BANK1: variants seen among roughly 807,000 people sequenced by gnomAD.
BANK1 encodes B cell scaffold protein with ankyrin repeats 1.
BANK1 carries 95 observed loss-of-function variants against 94.5 expected under a neutral mutation model. That is an observed-to-expected ratio of 1.00 (90% CI 0.85 to 1.19). The LOEUF is 1.19. Ranked by LOEUF, BANK1 falls within the 50% of genes most tolerant of loss-of-function variation. BANK1 has a pLI of 0.00. For synonymous variants in BANK1, 334 were observed against 308.4 expected, an observed-to-expected ratio of 1.08 and a Z score of -0.87; for missense variants, 987 against 932.2, an observed-to-expected ratio of 1.06 and a Z score of -0.77.
chr4:101,836,578 T>C (rs1299861519), intron 2 of BANK1, among the ~76,000 whole-genome samples: 5 of 152,282 alleles, frequency 3.3e-5, no homozygotes, highest in African/African-American at 9.6e-5. Flanking sequence ...AAAGGACAAA[T>C]TGTGTTTTTA....
intron 7 of BANK1, among the ~76,000 whole-genome samples, chr4:101,966,189 A>T (rs933274141): frequency 9.2e-5 from 14 of 152,064 alleles, no homozygotes; most frequent in Non-Finnish European, 1.5e-4. Context: ...TTAATGGCTT[A>T]TGCTACTTTT....
chr4:101,918,532 C>T (rs1327975755), intron 7 of BANK1, among the ~76,000 whole-genome samples: 3 of 151,766 alleles, frequency 2.0e-5, no homozygotes, highest in Non-Finnish European at 4.4e-5. Flanking sequence ...AAGAATGTAA[C>T]CAAAGAAGAT....
chr4:101,870,055 T>C (rs1408808465), intron 4 of BANK1, among the ~76,000 whole-genome samples: 1 of 151,702 alleles, frequency 6.6e-6, no homozygotes. Context: ...AATTGTATCA[T>C]TTAAATCAGC....
intron 5 of BANK1, among the ~76,000 whole-genome samples, chr4:101,889,471 G>A (rs1157950342): frequency 6.6e-5 from 10 of 151,334 alleles, no homozygotes; most frequent in African/African-American, 1.5e-4. Context: ...GGTGGCGGGC[G>A]CCTGTAGTCC....
chr4:101,848,206 G>C (rs540360604), intron 2 of BANK1, among the ~76,000 whole-genome samples: 9 of 152,044 alleles, frequency 5.9e-5, no homozygotes, highest in African/African-American at 1.9e-4. Flanking sequence ...CATAGTTTTG[G>C]GGGGGGTCTC....
chr4:101,908,941 AC>A (rs1272984297), intron 6 of BANK1, among the ~76,000 whole-genome samples: 1 of 152,210 alleles, frequency 6.6e-6, no homozygotes, highest in Non-Finnish European at 1.5e-5. Flanking sequence ...AAACAGGAAC[AC>A]TTTTACACTG....
intron 11 of BANK1, among the ~76,000 whole-genome samples, chr4:102,046,699 A>G (rs902732218): frequency 2.0e-5 from 3 of 152,178 alleles, no homozygotes; most frequent in African/African-American, 4.8e-5. Flanking sequence ...TTATGCAGAG[A>G]AGAGCTGAAA....
chr4:101,909,482 GT>G (rs1722584155), intron 6 of BANK1, among the ~76,000 whole-genome samples: 1 of 152,150 alleles, frequency 6.6e-6, no homozygotes, highest in Non-Finnish European at 1.5e-5. Flanking sequence ...CATGGCACAT[GT>G]ATACATATGT....
intron 1 of BANK1, among the ~76,000 whole-genome samples, chr4:101,799,687 A>G (rs1725287208): frequency 6.6e-6 from 1 of 152,118 alleles, no homozygotes; most frequent in Non-Finnish European, 1.5e-5. Context: ...ATCCTGGCTA[A>G]CACGGTGAAA....
intron 7 of BANK1, among the ~76,000 whole-genome samples, chr4:101,979,708 A>T (rs1213139318): frequency 6.6e-6 from 1 of 151,846 alleles, no homozygotes; most frequent in South Asian, 2.1e-4. Context: ...AGAAATTTAG[A>T]TTTGTGTAAG....
At position 101,959,837 on chromosome 4, in the gene BANK1, A is replaced by T. The variant is rs188819002; in HGVS notation, c.1206+41648A>T. The stretch of plus-strand genomic sequence containing the variant: ...GGCTAAACTGCTATATAATTTTTTT[A>T]AAAAATCATGAATTATGGTTTAAGT... On this transcript the variant is annotated intron_variant, in intron 7 of 16. Transcript: ENST00000322953. Among the ~76,000 whole-genome samples, 1,353 of 152,242 alleles carry T rather than the reference A, an allele frequency of 8.9e-3. 20 individuals carry two copies. The highest frequency in any genetic ancestry group is 0.029 in the African/African-American group (1,223 of 41,548).
chr4:101,946,065 G>A (rs905727909), intron 7 of BANK1, among the ~76,000 whole-genome samples: 5 of 151,856 alleles, frequency 3.3e-5, no homozygotes, highest in Non-Finnish European at 5.9e-5. Flanking sequence ...ATAAGAATAA[G>A]TAAACTTAAT....
chr4:101,889,282 A>G (rs1248967868), intron 5 of BANK1, among the ~76,000 whole-genome samples: 1 of 151,906 alleles, frequency 6.6e-6, no homozygotes, highest in Non-Finnish European at 1.5e-5. Context: ...GATATTTGTA[A>G]TCTGCATTTT....
At chr4:101,869,691 G>A (rs1728211418) in intron 4 of BANK1, among the ~76,000 whole-genome samples, 1 of 151,850 alleles carries the variant, frequency 6.6e-6, no homozygotes, top group Admixed American at 6.6e-5. Flanking sequence ...TTGAGTGACA[G>A]TTTTCTGGGA....
chr4:101,802,039 A>T (rs1200977065), intron 1 of BANK1, among the ~76,000 whole-genome samples: 2 of 152,192 alleles, frequency 1.3e-5, no homozygotes, highest in Admixed American at 6.5e-5. Flanking sequence ...GTGGTCTTGG[A>T]AAATGCAATA....
At chr4:101,959,836 T>TA (rs1189802736) in intron 7 of BANK1, among the ~76,000 whole-genome samples, 7 of 152,164 alleles carry the variant, frequency 4.6e-5, no homozygotes, top group Middle Eastern at 3.2e-3. Context: ...ATAATTTTTT[T>TA]AAAAAATCAT....
intron 6 of BANK1, among the ~76,000 whole-genome samples, chr4:101,910,438 T>C (rs1722625550): frequency 6.6e-6 from 1 of 151,852 alleles, no homozygotes; most frequent in South Asian, 2.1e-4. Context: ...TCCCAGCACT[T>C]TGGGAGGCCG....
chr4:101,974,068 C>A (rs1166213292), intron 7 of BANK1, among the ~76,000 whole-genome samples: 1 of 151,970 alleles, frequency 6.6e-6, no homozygotes, highest in African/African-American at 2.4e-5. Context: ...TCAGTAAATA[C>A]TTATTGTCTC....
At chr4:102,073,769 A>C in intron 16 of BANK1, 21 bp downstream of exon 16, 4 of 1,581,364 alleles carry the variant, frequency 2.5e-6, no homozygotes, top group Non-Finnish European at 1.7e-6. Flanking sequence ...AGCTGTGTAT[A>C]TTTTTTAGAA....
Sources: gnomAD v4.1 joint callset for allele counts (sites outside exome capture counted in the v4.1 genomes callset) on GRCh38, gnomAD v4.1.1 for gene constraint, MANE v1.5 for transcripts, NCBI Gene and HGNC (gene_info 2026-07-23, HGNC 2026-07-21) for gene names.